Variants in XKR4 observed in about 807,000 individuals in gnomAD.
The protein encoded by XKR4 is XK-related protein 4.
In XKR4, 12 loss-of-function variants were observed where a neutral mutation model predicts 53.9. The ratio of observed to expected loss-of-function variants is 0.22; its 90% CI spans 0.14 to 0.36. XKR4 has a LOEUF of 0.36. Ranked by LOEUF, XKR4 falls within the 10% of genes least tolerant of loss-of-function variation. The pLI is 1.00. For synonymous variants in XKR4, 354 were observed against 362.4 expected, an observed-to-expected ratio of 0.98 and a Z score of 0.26; for missense variants, 799 against 859.5, an observed-to-expected ratio of 0.93 and a Z score of 0.88.
chr8:55,364,026 C>T (rs758986451), intron 2 of XKR4, among the ~76,000 whole-genome samples: 3 of 152,112 alleles, frequency 2.0e-5, no homozygotes, highest in Non-Finnish European at 2.9e-5. Context: ...CTGAGTGGTG[C>T]CATTTTGTAG....
At chr8:55,120,829 GT>G (rs1204559270) in intron 1 of XKR4, among the ~76,000 whole-genome samples, 1 of 152,184 alleles carries the variant, frequency 6.6e-6, no homozygotes, top group African/African-American at 2.4e-5. Context: ...ATACAGAATA[GT>G]TTCATTGTCC....
At chr8:55,421,327 C>A (rs1349647500) in intron 2 of XKR4, among the ~76,000 whole-genome samples, 1 of 152,222 alleles carries the variant, frequency 6.6e-6, no homozygotes, top group African/African-American at 2.4e-5. Flanking sequence ...GAAAACTTAT[C>A]TTTGAAGTTT....
chr8:55,499,574 G>A (rs139791158), intron 2 of XKR4, among the ~76,000 whole-genome samples: 3 of 152,312 alleles, frequency 2.0e-5, no homozygotes, highest in Non-Finnish European at 4.4e-5. Context: ...CAGGCAGAGA[G>A]AACTTGTTCT....
At chr8:55,117,350 A>C (rs1262093807) in intron 1 of XKR4, among the ~76,000 whole-genome samples, 1 of 152,230 alleles carries the variant, frequency 6.6e-6, no homozygotes, top group Non-Finnish European at 1.5e-5. Flanking sequence ...TTTGCAAATA[A>C]GATTAGCTGC....
chr8:55,516,985 T>G (rs1216046400), intron 2 of XKR4, among the ~76,000 whole-genome samples: 1 of 152,104 alleles, frequency 6.6e-6, no homozygotes, highest in African/African-American at 2.4e-5. Flanking sequence ...GCAACATAGA[T>G]GGAACTGGGA....
chr8:55,388,513 T>A (rs1284407072), intron 2 of XKR4, among the ~76,000 whole-genome samples: 1 of 152,188 alleles, frequency 6.6e-6, no homozygotes, highest in Non-Finnish European at 1.5e-5. Flanking sequence ...CAGTGTATGG[T>A]GAGGCTGGTT....
At chr8:55,383,250 A>G (rs1804261686) in intron 2 of XKR4, among the ~76,000 whole-genome samples, 2 of 152,212 alleles carry the variant, frequency 1.3e-5, no homozygotes, top group African/African-American at 2.4e-5. Context: ...TAAATAAAAG[A>G]GACTGAAAGC....
chr8:55,200,371 C>T (rs1394856384), intron 1 of XKR4, among the ~76,000 whole-genome samples: 1 of 152,136 alleles, frequency 6.6e-6, no homozygotes, highest in Non-Finnish European at 1.5e-5. Context: ...CCCGGCCAGT[C>T]TATATCCTTT....
rs938505373 is a variant in XKR4, at chr8:55,124,627, T to G, written c.806+21333T>G. 3.9e-5 allele frequency among the ~76,000 whole-genome samples: 6 copies of G among 152,368 alleles called. No homozygotes were observed. The South Asian group carries it at 1.2e-3, about 32-fold the overall frequency. On this transcript the variant is annotated intron_variant, in intron 1 of 2. Transcript: ENST00000327381. ...GAGCTTCAGAGGAGCTTTCAGCATC[T>G]CAATAATTTAGTGACATTTGGCCAT...
At chr8:55,129,571 G>A (rs1816525360) in intron 1 of XKR4, among the ~76,000 whole-genome samples, 1 of 152,188 alleles carries the variant, frequency 6.6e-6, no homozygotes. Context: ...CTGAAGTGTG[G>A]TGGCAGAGGC....
At chr8:55,230,311 C>A (rs1181136975) in intron 1 of XKR4, among the ~76,000 whole-genome samples, 2 of 150,440 alleles carry the variant, frequency 1.3e-5, no homozygotes, top group Non-Finnish European at 3.0e-5. Context: ...CTACTACAGA[C>A]ATGTTTTAAA....
At chr8:55,298,203 A>G (rs1418179303) in intron 1 of XKR4, among the ~76,000 whole-genome samples, 1 of 152,184 alleles carries the variant, frequency 6.6e-6, no homozygotes, top group African/African-American at 2.4e-5. Flanking sequence ...AAAGAATCCT[A>G]GAACTTCCTT....
At chr8:55,299,484 A>G (rs979665478) in intron 1 of XKR4, among the ~76,000 whole-genome samples, 1 of 152,182 alleles carries the variant, frequency 6.6e-6, no homozygotes, top group African/African-American at 2.4e-5. Flanking sequence ...TCACTGGGGA[A>G]TTTCAGTCAA....
intron 1 of XKR4, among the ~76,000 whole-genome samples, chr8:55,173,153 C>T (rs1386928750): frequency 6.6e-6 from 1 of 152,164 alleles, no homozygotes; most frequent in Non-Finnish European, 1.5e-5. Flanking sequence ...CCCACACAAA[C>T]ACTCAGCTGA....
At chr8:55,291,008 G>A (rs1245626422) in intron 1 of XKR4, among the ~76,000 whole-genome samples, 1 of 152,042 alleles carries the variant, frequency 6.6e-6, no homozygotes, top group Non-Finnish European at 1.5e-5. Context: ...ATCATTTCAT[G>A]TTTTACTGGG....
At chr8:55,216,604 G>A (rs1463098457) in intron 1 of XKR4, among the ~76,000 whole-genome samples, 1 of 151,904 alleles carries the variant, frequency 6.6e-6, no homozygotes, top group Non-Finnish European at 1.5e-5. Flanking sequence ...GCACATGCCT[G>A]TAATCCCAGC....
At chr8:55,455,134 C>A in intron 2 of XKR4, 1 of 616,278 alleles carries the variant, frequency 1.6e-6, no homozygotes, top group East Asian at 3.0e-5. Context: ...CTGTGATCCG[C>A]GCCATGGGGA....
chr8:55,273,964 A>G (rs1189033461), intron 1 of XKR4, among the ~76,000 whole-genome samples: 1 of 152,204 alleles, frequency 6.6e-6, no homozygotes, highest in African/African-American at 2.4e-5. Context: ...GTAGATATGA[A>G]GCCTTCTGAT....
intron 1 of XKR4, among the ~76,000 whole-genome samples, chr8:55,248,804 C>T (rs905787438): frequency 6.6e-6 from 1 of 151,982 alleles, no homozygotes. Flanking sequence ...CTCCTGCCTG[C>T]AGGCTGGAGT....
Sources: allele counts gnomAD v4.1 joint callset (sites outside exome capture counted in the v4.1 genomes callset), GRCh38; gene constraint gnomAD v4.1.1; transcripts MANE v1.5; gene names NCBI Gene and HGNC (gene_info 2026-07-23, HGNC 2026-07-21).